RGSL1: variants seen among roughly 807,000 people sequenced by gnomAD.
RGSL1 encodes regulator of G protein signaling protein-like.
RGSL1 carries 97 observed loss-of-function variants against 124.7 expected under a neutral mutation model. The observed-to-expected ratio is 0.78, with a 90% confidence interval of 0.66 to 0.92. The LOEUF is 0.92. Among genes scored for constraint, RGSL1 ranks in the 40% least tolerant of loss-of-function variants. The pLI is 0.00. For missense variants in RGSL1, 1,233 were observed against 1,288.4 expected (o/e 0.96, Z 0.66); for synonymous variants, 424 against 438.1 (o/e 0.97, Z 0.40).
intron 9 of RGSL1, among the ~76,000 whole-genome samples, chr1:182,501,615 C>T (rs751258839): frequency 3.3e-5 from 5 of 151,946 alleles, no homozygotes; most frequent in Non-Finnish European, 5.9e-5. Context: ...CGCTACGCCC[C>T]GCCTTGATGT....
intron 6 of RGSL1, 49 bp from the exon 7 acceptor site, chr1:182,488,236 G>A: frequency 6.6e-7 from 1 of 1,517,504 alleles, no homozygotes; most frequent in Non-Finnish European, 9.0e-7. Context: ...GAAAGATGCA[G>A]CAAGCTGACC....
chr1:182,476,964 C>A (rs1160206356), intron 6 of RGSL1, among the ~76,000 whole-genome samples: 1 of 152,194 alleles, frequency 6.6e-6, no homozygotes, highest in African/African-American at 2.4e-5. Context: ...GCAACCAGCT[C>A]CCCATTTTAT....
chr1:182,542,777 T>G (rs1351133808), intron 15 of RGSL1, among the ~76,000 whole-genome samples: 1 of 152,082 alleles, frequency 6.6e-6, no homozygotes, highest in Non-Finnish European at 1.5e-5. Flanking sequence ...CAGTTCTTTG[T>G]TTAAGTTAAT....
At chr1:182,461,222 G>T (rs2101999510) in intron 4 of RGSL1, among the ~76,000 whole-genome samples, 1 of 151,836 alleles carries the variant, frequency 6.6e-6, no homozygotes, top group African/African-American at 2.4e-5. Context: ...GAAAGTAACT[G>T]CCTATGCTTA....
intron 9 of RGSL1, among the ~76,000 whole-genome samples, chr1:182,493,373 C>T (rs946035678): frequency 2.0e-5 from 3 of 152,162 alleles, no homozygotes; most frequent in African/African-American, 7.2e-5. Context: ...TTGTTCATTT[C>T]TACTTTCTTA....
At chr1:182,517,180 A>G (rs548607256) in intron 9 of RGSL1, among the ~76,000 whole-genome samples, 5 of 151,804 alleles carry the variant, frequency 3.3e-5, no homozygotes, top group African/African-American at 1.2e-4. Context: ...CACTTTGAAA[A>G]TGTTGCTCAA....
intron 3 of RGSL1, among the ~76,000 whole-genome samples, 158 bp downstream of exon 3, chr1:182,458,551 C>A (rs907129881): frequency 6.6e-6 from 1 of 152,170 alleles, no homozygotes; most frequent in East Asian, 1.9e-4. Context: ...CTCACTGCAA[C>A]CTTTGCCTCC....
rs1266111823 is a variant in RGSL1 at position 182,473,786 on chromosome 1, C to T, written c.675C>T (p.Thr225=). Residue 225 remains threonine, a synonymous_variant, in exon 6 of 22, where the codon ACC becomes ACT. Coordinates refer to ENST00000294854, the MANE Select transcript of RGSL1 (RefSeq NM_001137669.2). ...CTCGCTTATACAGCGTTTGCTACAC[C>T]CACATAGGAGGGCTCCCTCTGAACA... is the stretch of plus-strand genomic sequence containing the variant. ...YETRLYSVCY[T]HIGGLPLNMS... is the part of the protein sequence containing the mutation. 5 of 1,551,512 alleles carry T rather than the reference C, an allele frequency of 3.2e-6. No individual in the cohort carries two copies. In the Admixed American group the frequency reaches 9.8e-5, roughly 30 times the overall value.
intron 9 of RGSL1, among the ~76,000 whole-genome samples, chr1:182,512,201 C>T (rs1443014397): frequency 6.6e-6 from 1 of 152,136 alleles, no homozygotes; most frequent in African/African-American, 2.4e-5. Context: ...TGGTGTTAGG[C>T]ACATAAATAT....
chr1:182,461,850 C>A (rs575690933), intron 4 of RGSL1, among the ~76,000 whole-genome samples: 2 of 152,184 alleles, frequency 1.3e-5, no homozygotes, highest in African/African-American at 4.8e-5. Flanking sequence ...AACAGAGACC[C>A]TTGATGGGAC....
At chr1:182,487,657 T>A (rs895756530) in intron 6 of RGSL1, among the ~76,000 whole-genome samples, 1 of 152,214 alleles carries the variant, frequency 6.6e-6, no homozygotes, top group African/African-American at 2.4e-5. Context: ...TATGCTGCTG[T>A]TCACGCTGGA....
chr1:182,548,761 A>T lies in RGSL1; in HGVS notation c.2870A>T (p.Asp957Val). Residue 957 changes from aspartate (D) to valine (V), a missense_variant, in exon 17 of 22, where the codon GAT becomes GTT. Coordinates refer to ENST00000294854, the MANE Select transcript of RGSL1 (RefSeq NM_001137669.2). ...ILAAITEGYL[D>V]RSVFHGAIMS... is the part of the protein sequence containing the mutation. ...GCTGCCATCACAGAGGGCTACCTAG[A>T]TCGGAGCGTCTTCCATGGGGCTATC... is the stretch of plus-strand genomic sequence containing the variant. The T allele has an allele frequency of 6.4e-7, 1 of 1,551,574 alleles. No individual in the cohort carries two copies. The highest frequency in any genetic ancestry group is 1.2e-5 in the South Asian group (1 of 84,036).
chr1:182,525,462 T>C (rs1658671978), intron 10 of RGSL1, among the ~76,000 whole-genome samples: 1 of 152,016 alleles, frequency 6.6e-6, no homozygotes, highest in Non-Finnish European at 1.5e-5. Flanking sequence ...TAAAATATAA[T>C]GAAAAAATCT....
intron 6 of RGSL1, among the ~76,000 whole-genome samples, chr1:182,484,580 C>T (rs1654954334): frequency 6.6e-6 from 1 of 152,166 alleles, no homozygotes; most frequent in East Asian, 1.9e-4. Context: ...AGGTTCGGGG[C>T]TCAGCAGTGA....
rs906029131 is a variant in RGSL1, at chr1:182,468,626, G to T, written c.302-3770G>T. On this transcript the variant is annotated intron_variant, in intron 4 of 21. Coordinates refer to ENST00000294854, the MANE Select transcript of RGSL1 (RefSeq NM_001137669.2). The stretch of plus-strand genomic sequence containing the variant: ...ACCCTGGGGCCTGTTGTAGGGTTGA[G>T]GGGGAGGGATAGCATTAGGAGATCT... 2.0e-5 allele frequency among the ~76,000 whole-genome samples: 3 copies of T among 152,066 alleles called. No homozygotes were observed. The East Asian group carries it at 5.8e-4, about 29-fold the overall frequency.
At chr1:182,448,332 G>C (rs1440457517), upstream of RGSL1, 3 of 152,046 alleles carry the variant, frequency 2.0e-5, no homozygotes, top group Non-Finnish European at 2.9e-5. Flanking sequence ...AGCAATTCTT[G>C]TGCCTCAGAC....
At chr1:182,498,856 G>A (rs1478880470) in intron 9 of RGSL1, among the ~76,000 whole-genome samples, 2 of 149,786 alleles carry the variant, frequency 1.3e-5, no homozygotes, top group East Asian at 2.0e-4. Context: ...GCAATGGCAC[G>A]ATCTTGGCTC....
chr1:182,522,068 G>T lies in RGSL1; in HGVS notation c.1890G>T (p.Leu630Phe). The T allele has an allele frequency of 6.5e-7, 1 of 1,549,824 alleles. No homozygotes were observed. Among genetic ancestry groups the T allele is most frequent in the Non-Finnish European group, 8.7e-7 (1 of 1,146,434 alleles). ...TVSRSNRKMS[L>F]LKRTLVRKPS... The stretch of plus-strand genomic sequence containing the variant: ...CACGCTCAAATAGGAAAATGTCCTT[G>T]CTCAAAAGAACTCTTGTAAGGAAGC... The change falls in exon 10 of 22, where the codon TTG becomes TTT. Residue 630 changes from leucine (L) to phenylalanine (F), a missense_variant. Transcript: ENST00000294854.
At chr1:182,537,740 G>T (rs540454864) in intron 14 of RGSL1, among the ~76,000 whole-genome samples, 2 of 151,886 alleles carry the variant, frequency 1.3e-5, no homozygotes, top group Non-Finnish European at 2.9e-5. Context: ...TCTCTCGGTG[G>T]AAACAGGCAC....
Sources: allele counts gnomAD v4.1 joint callset (sites outside exome capture counted in the v4.1 genomes callset), GRCh38; gene constraint gnomAD v4.1.1; transcripts MANE v1.5; gene names NCBI Gene and HGNC (gene_info 2026-07-23, HGNC 2026-07-21).